The following CHD1L variants were observed in gnomAD, a reference collection of about 807,000 sequenced individuals.
CHD1L encodes the protein chromodomain helicase DNA binding protein 1 like, also known as ATP-dependent chromatin remodeler CHD1L.
Under a neutral mutation model 115.9 loss-of-function variants are expected in CHD1L, and 118 were observed. The ratio of observed to expected loss-of-function variants is 1.02; its 90% CI spans 0.88 to 1.19. CHD1L has a LOEUF of 1.19. Ranked by LOEUF, CHD1L falls within the 50% of genes most tolerant of loss-of-function variation. The pLI is 0.00. For synonymous variants in CHD1L, 411 were observed against 387.1 expected (o/e 1.06, Z -0.72); for missense variants, 1,179 against 1,065.3 (o/e 1.11, Z -1.49).
the CHD1L span, chr1:147,213,450 C>T: frequency 6.2e-7 from 1 of 1,610,108 alleles, no homozygotes; most frequent in Non-Finnish European, 8.5e-7. Flanking sequence ...CAGGCTGCTT[C>T]TTCACACTGC....
chr1:147,280,706 C>T (rs1400318910), intron 15 of CHD1L, among the ~76,000 whole-genome samples: 2 of 152,094 alleles, frequency 1.3e-5, no homozygotes, highest in African/African-American at 2.4e-5. Flanking sequence ...TCTTAATTTT[C>T]TTTCCTGAAT....
chr1:147,222,251 T>G, the CHD1L span, among the ~76,000 whole-genome samples: 2 of 152,094 alleles, frequency 1.3e-5, no homozygotes, highest in Non-Finnish European at 2.9e-5. Flanking sequence ...GTGTATAATT[T>G]CAGCTACTTG....
chr1:147,216,074 C>A, the CHD1L span: 1 of 633,882 alleles, frequency 1.6e-6, no homozygotes, highest in Non-Finnish European at 2.7e-6. Flanking sequence ...AGTATTTGTG[C>A]CCTTATGTAG....
intron 1 of CHD1L, among the ~76,000 whole-genome samples, chr1:147,247,515 A>T (rs1666997778): frequency 6.6e-6 from 1 of 152,144 alleles, no homozygotes; most frequent in South Asian, 2.1e-4. Flanking sequence ...CCCTTCTGCC[A>T]TTAGTGGAAA....
chr1:147,178,282 T>C, the CHD1L span: 1 of 1,613,288 alleles, frequency 6.2e-7, no homozygotes, highest in Non-Finnish European at 8.5e-7. Flanking sequence ...CGCCCCCTGG[T>C]GTGGACACTG....
intron 5 of CHD1L, among the ~76,000 whole-genome samples, chr1:147,256,791 G>A (rs1670305291): frequency 6.6e-6 from 1 of 152,130 alleles, no homozygotes; most frequent in South Asian, 2.1e-4. Context: ...TTCTTCATCT[G>A]TAAAATGAGG....
intron 2 of CHD1L, 95 bp from the exon 3 acceptor site, chr1:147,254,775 C>A (rs894408658): frequency 2.7e-6 from 2 of 732,296 alleles, no homozygotes; most frequent in East Asian, 2.8e-5. Context: ...AAGTCTTAAA[C>A]AAGAGTGTGT....
intron 1 of CHD1L, among the ~76,000 whole-genome samples, chr1:147,243,550 G>A (rs1665583058): frequency 6.6e-6 from 1 of 152,108 alleles, no homozygotes; most frequent in Non-Finnish European, 1.5e-5. Flanking sequence ...CTGCATGGCT[G>A]ACCGTACTTC....
chr1:147,182,117 C>G, the CHD1L span, among the ~76,000 whole-genome samples: 1 of 152,206 alleles, frequency 6.6e-6, no homozygotes, highest in Non-Finnish European at 1.5e-5. Flanking sequence ...CATTCATTCT[C>G]TCTTCCTTCT....
chr1:147,178,194 G>C, the CHD1L span: 859 of 1,612,580 alleles, frequency 5.3e-4, 2 homozygotes, highest in Non-Finnish European at 6.8e-4. Flanking sequence ...CCTCCGACGT[G>C]CTAGGACTCA....
At chr1:147,233,289 G>A in the CHD1L span, among the ~76,000 whole-genome samples, 2 of 151,928 alleles carry the variant, frequency 1.3e-5, no homozygotes, top group East Asian at 3.9e-4. Flanking sequence ...GAAGTGAGGA[G>A]CGTCTCCGCC....
chr1:147,212,506 G>C, the CHD1L span: 2 of 1,613,722 alleles, frequency 1.2e-6, no homozygotes, highest in Non-Finnish European at 1.7e-6. Flanking sequence ...TCTCGACTGT[G>C]GAAGTACTGC....
At chr1:147,197,553 A>T in the CHD1L span, among the ~76,000 whole-genome samples, 5 of 151,968 alleles carry the variant, frequency 3.3e-5, no homozygotes, top group Admixed American at 6.5e-5. Context: ...TGCTGTTCTC[A>T]TGATACTGAG....
chr1:147,201,899 A>G, the CHD1L span, among the ~76,000 whole-genome samples: 1 of 152,204 alleles, frequency 6.6e-6, no homozygotes, highest in South Asian at 2.1e-4. Context: ...TCAAAGGCTC[A>G]AGAGCTAAGT....
chr1:147,266,474 C>T (rs1433949974), intron 8 of CHD1L, among the ~76,000 whole-genome samples: 16 of 152,126 alleles, frequency 1.1e-4, no homozygotes, highest in Non-Finnish European at 2.2e-4. Flanking sequence ...ATGAAGATTC[C>T]AAAAATAATT....
At chr1:147,273,948 T>C (rs1235403771) in intron 12 of CHD1L, among the ~76,000 whole-genome samples, 3 of 152,246 alleles carry the variant, frequency 2.0e-5, no homozygotes, top group Non-Finnish European at 4.4e-5. Flanking sequence ...TATTCATGGA[T>C]GTGGGTGTGG....
chr1:147,248,210 A>ATTTTTTTTTTTTTTTTTTTTTTTT (rs782741705), intron 1 of CHD1L, among the ~76,000 whole-genome samples: 1 of 150,020 alleles, frequency 6.7e-6, no homozygotes. Context: ...TGGAAGTCTT[A>ATTTTTTTTTTTTTTTTTTTTTTTT]TTTTTTTTTT....
intron 15 of CHD1L, 83 bp from the exon 16 acceptor site, chr1:147,284,268 C>T: frequency 8.8e-7 from 1 of 1,136,234 alleles, no homozygotes; most frequent in Non-Finnish European, 1.2e-6. Flanking sequence ...GTTCTCCTGT[C>T]CACTTTTGTT....
the CHD1L span, chr1:147,178,065 C>T: frequency 9.2e-7 from 1 of 1,090,514 alleles, no homozygotes; most frequent in South Asian, 1.6e-5. Context: ...CCGCCGCAGT[C>T]CCAGTCGAGC....
Sources: allele counts gnomAD v4.1 joint callset (sites outside exome capture counted in the v4.1 genomes callset), GRCh38; gene constraint gnomAD v4.1.1; transcripts MANE v1.5; gene names NCBI Gene and HGNC (gene_info 2026-07-23, HGNC 2026-07-21).